ADORA1: variants seen among roughly 807,000 people sequenced by gnomAD.
The protein encoded by ADORA1 is adenosine receptor A1.
A neutral mutation model predicts 19.9 loss-of-function variants in ADORA1; 6 were observed. The ratio of observed to expected loss-of-function variants is 0.30; its 90% confidence interval spans 0.17 to 0.59. The LOEUF is 0.59. ADORA1 is among the 20% of genes least tolerant of loss of function. The pLI is 0.87. For synonymous variants in ADORA1, 194 were observed against 188.4 expected, an observed-to-expected ratio of 1.03 and a Z score of -0.24; for missense variants, 302 against 439.2, an observed-to-expected ratio of 0.69 and a Z score of 2.79.
At chr1:203,160,269 C>A (rs1249748794) in intron 3 of ADORA1, among the ~76,000 whole-genome samples, 1 of 152,120 alleles carries the variant, frequency 6.6e-6, no homozygotes, top group Non-Finnish European at 1.5e-5. Flanking sequence ...ATGTGTGGGA[C>A]CAGAAGTGTT....
chr1:203,148,843 T>C (rs1654942041), intron 3 of ADORA1, among the ~76,000 whole-genome samples: 2 of 152,246 alleles, frequency 1.3e-5, no homozygotes, highest in East Asian at 3.9e-4. Flanking sequence ...GATTCTTGCC[T>C]GGTGGCGTTC....
At chr1:203,154,350 GT>G (rs1219360614) in intron 3 of ADORA1, among the ~76,000 whole-genome samples, 5 of 152,138 alleles carry the variant, frequency 3.3e-5, no homozygotes, top group Non-Finnish European at 5.9e-5. Context: ...CTCTTGAACT[GT>G]CTGAGTCTAA....
chr1:203,138,798 G>A (rs1329051249), intron 3 of ADORA1, among the ~76,000 whole-genome samples: 3 of 152,140 alleles, frequency 2.0e-5, no homozygotes, highest in African/African-American at 7.2e-5. Context: ...GAAACGAGCT[G>A]TCTTACTCTG....
In ADORA1 at chr1:203,165,414, C is replaced by T. The variant is rs774239732; in HGVS notation, c.495C>T (p.Pro165=). The T allele has an allele frequency of 2.5e-5, 40 of 1,611,562 alleles. No individual in the cohort carries two copies. The highest frequency in any genetic ancestry group is 1.7e-4 in the Middle Eastern group (1 of 6,052). Residue 165 remains proline (P), a synonymous_variant, in exon 4 of 4, where the codon CCC becomes CCT. Transcript: ENST00000337894. This position sits in a 1 kb window ranked among gnomAD's most constrained non-coding sequence, Gnocchi z 5.9. The part of the protein sequence containing the change: ...AWAANGSMGE[P]VIKCEFEKVI... The stretch of plus-strand genomic sequence containing the variant: ...CAGCCAACGGCAGCATGGGGGAGCC[C>T]GTGATCAAGTGCGAGTTCGAGAAGG...
intron 3 of ADORA1, among the ~76,000 whole-genome samples, chr1:203,162,305 T>A (rs1655397861): frequency 6.6e-6 from 1 of 152,092 alleles, no homozygotes; most frequent in Non-Finnish European, 1.5e-5. Context: ...CAGGGTCTGC[T>A]GGGACTGGGT....
rs199624662 is a variant in ADORA1 at position 203,128,444 on chromosome 1, G to C, written c.-58+12G>C. Reference sequence around the variant, plus strand: ...CAGCAGGCAGGATGGTGAGCTCCCTGCATCCTGTTCTGTGCACAGGGGTGG... The same window carrying C: ...CAGCAGGCAGGATGGTGAGCTCCCTCCATCCTGTTCTGTGCACAGGGGTGG... On this transcript the variant is annotated intron_variant, in intron 2 of 3. Transcript: ENST00000337894. This position sits in a 1 kb window ranked among gnomAD's most constrained non-coding sequence, Gnocchi z 5.9. The C allele has an allele frequency of 3.1e-6, 4 of 1,293,570 alleles. No homozygotes were observed. The highest frequency in any genetic ancestry group is 3.0e-6 in the Non-Finnish European group (3 of 991,398). 80.1% of individuals were successfully genotyped at this position (1,293,570 alleles called of 1,614,324 possible).
intron 3 of ADORA1, among the ~76,000 whole-genome samples, chr1:203,132,137 T>G (rs1303758668): frequency 1.3e-5 from 2 of 152,230 alleles, no homozygotes; most frequent in Non-Finnish European, 2.9e-5. Context: ...TGTTGATTCA[T>G]CAGTAACCTG....
At chr1:203,129,763 C>T (rs1459304713) in intron 3 of ADORA1, 1 of 153,018 alleles carries the variant, frequency 6.5e-6, no homozygotes, top group Non-Finnish European at 1.5e-5. Context: ...GTCTGATTAC[C>T]TTTGCCTCAC....
intron 3 of ADORA1, among the ~76,000 whole-genome samples, chr1:203,130,795 G>C (rs1474010720): frequency 6.6e-6 from 1 of 152,220 alleles, no homozygotes. Flanking sequence ...CACCCTACTT[G>C]CCCTGTGGGG....
In ADORA1 at chr1:203,128,507, C is replaced by G. The variant is rs752358152; in HGVS notation, c.-58+75C>G. ...ATGGGAGACCCCTCTGTGCGTGTGT[C>G]TGTGTGTGCGCGCGCGCTGGGAGCT... On this transcript the variant is annotated intron_variant, in intron 2 of 3. Coordinates refer to ENST00000337894, the MANE Select transcript of ADORA1 (RefSeq NM_000674.3). The surrounding 1 kb of genome is among the most constrained non-coding windows in gnomAD (Gnocchi z 5.9). 7.7e-5 allele frequency: 87 copies of G among 1,135,134 alleles called. No homozygotes were observed. The highest frequency in any genetic ancestry group is 1.0e-4 in the Non-Finnish European group (87 of 855,678). 70.3% of individuals were successfully genotyped at this position (1,135,134 alleles called of 1,614,324 possible).
Position 203,165,711 on chromosome 1 carries a change from CA to C in ADORA1, c.794del (p.Lys265SerfsTer19), listed in dbSNP as rs760187303. On this transcript the variant is annotated frameshift_variant, in exon 4 of 4. Coordinates refer to ENST00000337894, the MANE Select transcript of ADORA1 (RefSeq NM_000674.3). LOFTEE classifies it high-confidence loss of function. The surrounding 1 kb of genome is among the most constrained non-coding windows in gnomAD (Gnocchi z 5.9). ...CITLFCPSCH[K>X]PSILTYIAIF... ...TCACCCTCTTCTGCCCGTCCTGCCA[CA>C]AGCCCAGCATCCTTACCTACATTGC... The C allele has an allele frequency of 6.2e-7, 1 of 1,612,058 alleles. No homozygotes were observed. The highest frequency in any genetic ancestry group is 1.3e-5 in the African/African-American group (1 of 74,922).
intron 3 of ADORA1, among the ~76,000 whole-genome samples, chr1:203,155,838 G>A (rs1307289863): frequency 6.6e-6 from 1 of 152,238 alleles, no homozygotes; most frequent in Non-Finnish European, 1.5e-5. Context: ...ATCCCCTACA[G>A]CTCCCAGCAC....
intron 3 of ADORA1, among the ~76,000 whole-genome samples, chr1:203,141,634 GC>G (rs1314530583): frequency 2.3e-5 from 3 of 130,846 alleles, no homozygotes; most frequent in Admixed American, 8.9e-5. Context: ...AGGCTGGAAT[GC>G]AGTGGCACGA....
chr1:203,150,735 A>C, intron 3 of ADORA1: 1 of 1,289,776 alleles, frequency 7.8e-7, no homozygotes, highest in Non-Finnish European at 1.0e-6. Context: ...TGGAATGCGG[A>C]GCTGAGTGTG....
intron 3 of ADORA1, among the ~76,000 whole-genome samples, chr1:203,148,626 T>C (rs1319696314): frequency 6.6e-6 from 1 of 152,036 alleles, no homozygotes; most frequent in Non-Finnish European, 1.5e-5. Flanking sequence ...GCTGAGGAGG[T>C]TGGGAGGGGA....
intron 3 of ADORA1, among the ~76,000 whole-genome samples, chr1:203,138,431 A>G (rs1362100733): frequency 2.6e-5 from 4 of 152,196 alleles, no homozygotes; most frequent in Non-Finnish European, 4.4e-5. Context: ...CCAAGAACCG[A>G]GCATTGAGAA....
At position 203,128,497 on chromosome 1, in the gene ADORA1, G is replaced by A. The variant is rs184717354; in HGVS notation, c.-58+65G>A. ...AGAGCCAGTCATGGGAGACCCCTCT[G>A]TGCGTGTGTCTGTGTGTGCGCGCGC... On this transcript the variant is annotated intron_variant, in intron 2 of 3. Coordinates refer to ENST00000337894, the MANE Select transcript of ADORA1 (RefSeq NM_000674.3). This position sits in a 1 kb window ranked among gnomAD's most constrained non-coding sequence, Gnocchi z 5.9. 3 of 1,201,630 alleles carry A rather than the reference G, an allele frequency of 2.5e-6. No individual in the cohort carries two copies. In the African/African-American group the frequency reaches 4.6e-5, roughly 19 times the overall value. 74.4% of individuals were successfully genotyped at this position (1,201,630 alleles called of 1,614,324 possible).
chr1:203,147,621 G>T (rs927852824), intron 3 of ADORA1, among the ~76,000 whole-genome samples: 1 of 152,144 alleles, frequency 6.6e-6, no homozygotes, highest in African/African-American at 2.4e-5. Flanking sequence ...AGCCCAGATT[G>T]TCTGACTCAT....
rs1415151956 is a variant in ADORA1, at chr1:203,139,260, C to G, written c.341+10078C>G. Among the ~76,000 whole-genome samples, 3 of 152,132 alleles carry G rather than the reference C, an allele frequency of 2.0e-5. No homozygotes were observed. In the East Asian group the frequency reaches 5.8e-4, roughly 29 times the overall value. ...TCCTGGTTTAGGCTAGTGGGACATACGTGGAGAGACAGGCTTTAGACGGGA... is the reference window on the plus strand; with the variant it reads ...TCCTGGTTTAGGCTAGTGGGACATAGGTGGAGAGACAGGCTTTAGACGGGA... On this transcript the variant is annotated intron_variant, in intron 3 of 3. Coordinates refer to ENST00000337894, the MANE Select transcript of ADORA1 (RefSeq NM_000674.3).
Sources: gnomAD v4.1 joint callset for allele counts (sites outside exome capture counted in the v4.1 genomes callset) on GRCh38, gnomAD v4.1.1 for gene constraint, Gnocchi (gnomAD v3.1) non-coding constraint, MANE v1.5 for transcripts, NCBI Gene and HGNC (gene_info 2026-07-23, HGNC 2026-07-21) for gene names.